The following ERI1 variants were observed in gnomAD, a reference collection of about 807,000 sequenced individuals.
ERI1 encodes the protein 3'-5' exoribonuclease 1.
Under a neutral mutation model 39.7 loss-of-function variants are expected in ERI1, and 39 were observed. The observed-to-expected ratio is 0.98, with a 90% CI of 0.76 to 1.28. The LOEUF is 1.28. Ranked by LOEUF, ERI1 falls within the 50% of genes most tolerant of loss-of-function variation. The pLI is 0.00. For synonymous variants in ERI1, 204 were observed against 149.6 expected (o/e 1.36, Z -2.65); for missense variants, 581 against 416.9 (o/e 1.39, Z -3.43).
Position 9,023,793 on chromosome 8 carries a change from C to CTTTTTTTTTTT in ERI1, c.807+3342_807+3352dup, listed in dbSNP as rs3083379. ...ACATTTTTTTTTTAAGTAAAAATGA[C>CTTTTTTTTTTT]TTTTTTTTTTTTTTTTTTTTTTTGA... On this transcript the variant is annotated intron_variant, in intron 6 of 6. Transcript: ENST00000250263. 1.2e-4 allele frequency among the ~76,000 whole-genome samples: 10 copies of CTTTTTTTTTTT among 80,532 alleles called. 1 individual carries two copies. Among genetic ancestry groups the CTTTTTTTTTTT allele is most frequent in the Non-Finnish European group, 1.9e-4 (9 of 46,686 alleles). The allele number at this position is 80,532 out of a possible 152,430, so 52.8% of individuals were successfully genotyped here.
chr8:9,045,062 C>T (rs948691244), intron 3 of ERI1, among the ~76,000 whole-genome samples: 2 of 151,754 alleles, frequency 1.3e-5, no homozygotes, highest in African/African-American at 4.8e-5. Context: ...ACGGTGAAAC[C>T]CTGTCTCTAC....
At chr8:9,033,572 T>A (rs1012414300), downstream of ERI1, among the ~76,000 whole-genome samples, 61 of 33,278 alleles carry the variant, frequency 1.8e-3, no homozygotes, top group Admixed American at 0.013. Flanking sequence ...AATGTTAAGG[T>A]ACAATGATAC....
rs188596009 is a variant in ERI1, at chr8:9,047,874, C to T, written n.299+27410C>T. ...CGCTGTGTGTTGGGGTGCACGAGTG[C>T]ACACACGCCCACCAGGCACCATGCC... On this transcript the variant is annotated intron_variant and non_coding_transcript_variant, in intron 3 of 3. Transcript: ENST00000518663. Among the ~76,000 whole-genome samples the T allele has an allele frequency of 9.8e-5, 15 of 152,342 alleles. No homozygotes were observed. In the East Asian group the frequency reaches 2.9e-3, roughly 29 times the overall value.
At chr8:9,095,227 C>T (rs57859383) in intron 3 of ERI1, among the ~76,000 whole-genome samples, 5,394 of 152,140 alleles carry the variant, frequency 0.035, 287 homozygotes, top group African/African-American at 0.12. Context: ...AGTACATGTG[C>T]AGGTTTGTTA....
intron 2 of ERI1, among the ~76,000 whole-genome samples, chr8:9,010,346 C>G (rs1036986114): frequency 6.6e-6 from 1 of 152,114 alleles, no homozygotes; most frequent in African/African-American, 2.4e-5. Context: ...AGAAAGTAAT[C>G]CAAAGCTGTC....
chr8:9,088,160 C>A (rs1473510052), intron 3 of ERI1, among the ~76,000 whole-genome samples: 1 of 152,002 alleles, frequency 6.6e-6, no homozygotes, highest in Non-Finnish European at 1.5e-5. Context: ...AAAAAGGAGG[C>A]CTTCTAACCC....
intron 3 of ERI1, among the ~76,000 whole-genome samples, chr8:9,064,895 C>G (rs1237958147): frequency 6.6e-6 from 1 of 151,998 alleles, no homozygotes; most frequent in Non-Finnish European, 1.5e-5. Context: ...AGAAGAGAGT[C>G]AGCGAAGGGA....
chr8:9,064,945 A>G (rs989662126), intron 3 of ERI1, among the ~76,000 whole-genome samples: 1 of 152,168 alleles, frequency 6.6e-6, no homozygotes, highest in African/African-American at 2.4e-5. Flanking sequence ...GGGTAAGTAA[A>G]GGAAAAAGCG....
rs370910975 is a variant in ERI1, at chr8:9,031,077, A to G, written c.*1043A>G. ...ACTTGATAAGGTAAAACTCTTATCT[A>G]GAGGCTAAACCCATGTATTTTCAGA... On this transcript the variant is annotated 3_prime_UTR_variant, in exon 7 of 7. Transcript: ENST00000250263. 329 of 152,346 alleles carry G rather than the reference A, an allele frequency of 2.2e-3. No homozygotes were observed. The highest frequency in any genetic ancestry group is 7.7e-3 in the African/African-American group (320 of 41,592). The allele number at this position is 152,346 out of a possible 1,614,324, so 9.4% of individuals were successfully genotyped here. A position where few individuals can be genotyped will look rare whatever the true frequency, so the allele number is the denominator to read the frequency against.
intron 3 of ERI1, among the ~76,000 whole-genome samples, chr8:9,057,970 C>T (rs1798563043): frequency 6.6e-6 from 1 of 152,140 alleles, no homozygotes; most frequent in Non-Finnish European, 1.5e-5. Flanking sequence ...GGGGGTGGAT[C>T]TCATAGGGTC....
chr8:9,029,710 T>C, intron 6 of ERI1, 82 bp from the exon 7 acceptor site: 1 of 1,521,886 alleles, frequency 6.6e-7, no homozygotes, highest in African/African-American at 1.4e-5. Context: ...TAATTTTCAG[T>C]TTCTTATTTT....
At chr8:9,026,082 A>T (rs995373240) in intron 6 of ERI1, among the ~76,000 whole-genome samples, 31 of 152,136 alleles carry the variant, frequency 2.0e-4, no homozygotes, top group Admixed American at 1.2e-3. Context: ...GTTACACATA[A>T]ATTAAGCATG....
intron 3 of ERI1, among the ~76,000 whole-genome samples, chr8:9,076,912 A>G (rs890132988): frequency 1.3e-5 from 2 of 152,212 alleles, no homozygotes; most frequent in African/African-American, 2.4e-5. Context: ...GAAGATAGAG[A>G]TTTATTATAA....
intron 3 of ERI1, among the ~76,000 whole-genome samples, chr8:9,043,359 A>C (rs1798082978): frequency 6.6e-6 from 1 of 152,196 alleles, no homozygotes; most frequent in African/African-American, 2.4e-5. Context: ...CTCAATTATG[A>C]ATAATCAGAG....
intron 6 of ERI1, among the ~76,000 whole-genome samples, chr8:9,028,193 C>T (rs112786128): frequency 6.6e-6 from 1 of 152,174 alleles, no homozygotes; most frequent in African/African-American, 2.4e-5. Context: ...GCAAAGCTAT[C>T]TGGTTCAGCG....
intron 6 of ERI1, among the ~76,000 whole-genome samples, chr8:9,025,891 T>C (rs1042148329): frequency 2.0e-5 from 3 of 152,148 alleles, no homozygotes; most frequent in African/African-American, 7.2e-5. Context: ...TTCATTTTTG[T>C]TTCATATATA....
At chr8:9,092,779 G>T (rs982519956) in intron 3 of ERI1, among the ~76,000 whole-genome samples, 1 of 152,206 alleles carries the variant, frequency 6.6e-6, no homozygotes, top group African/African-American at 2.4e-5. Flanking sequence ...TCCTAGGACT[G>T]CCATAACAAA....
intron 3 of ERI1, among the ~76,000 whole-genome samples, chr8:9,071,545 T>A (rs1437930082): frequency 1.3e-5 from 2 of 152,242 alleles, no homozygotes; most frequent in Non-Finnish European, 2.9e-5. Context: ...TTCTCCAGTT[T>A]TCCGTTTCCA....
At chr8:9,039,347 A>G (rs1267547067) in intron 3 of ERI1, among the ~76,000 whole-genome samples, 1 of 152,210 alleles carries the variant, frequency 6.6e-6, no homozygotes, top group African/African-American at 2.4e-5. Context: ...CATGTTCATC[A>G]TATAATGAAA....
Sources: gnomAD v4.1 joint callset for allele counts (sites outside exome capture counted in the v4.1 genomes callset) on GRCh38, gnomAD v4.1.1 for gene constraint, MANE v1.5 for transcripts, NCBI Gene and HGNC (gene_info 2026-07-23, HGNC 2026-07-21) for gene names.